Variants in CARMIL3 observed in about 807,000 individuals in gnomAD.
The protein encoded by CARMIL3 is capping protein regulator and myosin 1 linker 3.
Under a neutral mutation model 180.8 loss-of-function variants are expected in CARMIL3, and 88 were observed. The ratio of observed to expected loss-of-function variants is 0.49; its 90% CI spans 0.41 to 0.58. The LOEUF is 0.58. Ranked by LOEUF, CARMIL3 falls within the 20% of genes least tolerant of loss-of-function variation. The probability of loss-of-function intolerance (pLI) is 0.00; values close to 1 mark genes in which losing one functional copy is unlikely to be tolerated. For missense variants in CARMIL3, 1,548 were observed against 1,787.0 expected (o/e 0.87, Z 2.41); for synonymous variants, 696 against 714.5 (o/e 0.97, Z 0.41).
At position 24,059,499 on chromosome 14, in the gene CARMIL3, A is replaced by G. The variant is rs1035445285; in HGVS notation, c.1799+57A>G. 6.5e-7 allele frequency: 1 copy of G among 1,537,348 alleles called. No individual in the cohort carries two copies. Among genetic ancestry groups the G allele is most frequent in the Non-Finnish European group, 8.8e-7 (1 of 1,136,586 alleles). Reference sequence around the variant, plus strand: ...AGCCCCAGCCCCTCCCCATATGTACATAATCTCCCTGCTTTCCTTGATGCT... The same window carrying G: ...AGCCCCAGCCCCTCCCCATATGTACGTAATCTCCCTGCTTTCCTTGATGCT... On this transcript the variant is annotated intron_variant, in intron 21 of 39. Coordinates refer to ENST00000342740, the MANE Select transcript of CARMIL3 (RefSeq NM_138360.4). This position sits in a 1 kb window ranked among gnomAD's most constrained non-coding sequence, Gnocchi z 6.3.
chr14:24,061,139 C>A lies in CARMIL3; in HGVS notation c.2304+99C>A. ...TCAGAGCTGGGAGACTTCTGGAGGG[C>A]CAGGAGGACATGCAGAGTTGAGACC... On this transcript the variant is annotated intron_variant, in intron 26 of 39. Transcript: ENST00000342740. The surrounding 1 kb of genome is among the most constrained non-coding windows in gnomAD (Gnocchi z 4.1). 9.4e-7 allele frequency: 1 copy of A among 1,069,040 alleles called. No individual in the cohort carries two copies. The allele number at this position is 1,069,040 out of a possible 1,614,324, so 66.2% of individuals were successfully genotyped here. A position where few individuals can be genotyped will look rare whatever the true frequency, so the allele number is the denominator to read the frequency against.
chr14:24,069,045 T>C, intron 38 of CARMIL3, 79 bp downstream of exon 38: 2 of 1,586,962 alleles, frequency 1.3e-6, no homozygotes, highest in Non-Finnish European at 1.7e-6. Flanking sequence ...TTCCAGAGCA[T>C]GGAATGAGTG....
Position 24,059,535 on chromosome 14 carries a change from GCTT to G in CARMIL3, c.1799+95_1799+97del. 1 of 1,514,584 alleles carries G rather than the reference GCTT, an allele frequency of 6.6e-7. No homozygotes were observed. The highest frequency in any genetic ancestry group is 1.4e-5 in the African/African-American group (1 of 72,368). The allele number at this position is 1,514,584 out of a possible 1,614,324, so 93.8% of individuals were successfully genotyped here. On this transcript the variant is annotated intron_variant, in intron 21 of 39. Transcript: ENST00000342740. The surrounding 1 kb of genome is among the most constrained non-coding windows in gnomAD (Gnocchi z 6.3). ...GCTTTCCTTGATGCTCTGGACCCCA[GCTT>G]CCAGAAGACCCCCAGCCCCAGAACC...
Position 24,056,285 on chromosome 14 carries a change from C to T in CARMIL3, c.771-14C>T, listed in dbSNP as rs766284911. 24 of 1,609,602 alleles carry T rather than the reference C, an allele frequency of 1.5e-5. No homozygotes were observed. In the South Asian group the frequency reaches 2.5e-4, roughly 17 times the overall value. On this transcript the variant is annotated splice_polypyrimidine_tract_variant and intron_variant, in intron 10 of 39. Coordinates refer to ENST00000342740, the MANE Select transcript of CARMIL3 (RefSeq NM_138360.4). ...GCTCAGCTCAGGACAAATCCTTCCT[C>T]CCCTTCCCTGAAGGGACTTTGTCCA...
Position 24,057,200 on chromosome 14 carries a change from C to T in CARMIL3, c.1096C>T (p.Leu366=), listed in dbSNP as rs755882235. The T allele has an allele frequency of 1.1e-5, 17 of 1,614,020 alleles. No homozygotes were observed. The highest frequency in any genetic ancestry group is 1.3e-5 in the African/African-American group (1 of 74,924). ...LYSFLAQPNA[L]VHLDLSGTDC... ...CAGTTTCCTGGCCCAACCCAACGCC[C>T]TGGTGCACCTGGACCTGTCAGGAAC... Residue 366 remains leucine, a synonymous_variant, in exon 14 of 40, where the codon CTG becomes TTG. Transcript: ENST00000342740.
chr14:24,055,015 T>C, intron 6 of CARMIL3, 51 bp from the exon 7 acceptor site: 1 of 1,591,322 alleles, frequency 6.3e-7, no homozygotes, highest in Non-Finnish European at 8.6e-7. Context: ...ACCCCAAGCC[T>C]ATTCCCCATC....
chr14:24,052,297 C>T, intron 1 of CARMIL3, 104 bp downstream of exon 1: 1 of 1,146,324 alleles, frequency 8.7e-7, no homozygotes, highest in Non-Finnish European at 1.2e-6. Context: ...ACACCCCTCA[C>T]CCCATGCATC....
chr14:24,065,377 G>A, intron 33 of CARMIL3, 104 bp downstream of exon 33: 1 of 1,208,818 alleles, frequency 8.3e-7, no homozygotes, highest in Non-Finnish European at 1.1e-6. Context: ...AGGACCCAGG[G>A]TTCTTGGGAA....
chr14:24,068,515 A>T, intron 36 of CARMIL3, 69 bp from the exon 37 acceptor site: 6 of 1,393,724 alleles, frequency 4.3e-6, no homozygotes, highest in Middle Eastern at 2.0e-4. Context: ...TTCAGTGGAG[A>T]GAGGAGACAG....
At position 24,059,674 on chromosome 14, in the gene CARMIL3, T is replaced by C; in HGVS notation, c.1810T>C (p.Trp604Arg). The C allele has an allele frequency of 1.9e-6, 3 of 1,613,962 alleles. No homozygotes were observed. Among genetic ancestry groups the C allele is most frequent in the Non-Finnish European group, 2.5e-6 (3 of 1,179,968 alleles). ...QINSSLRTIL[W>R]DRNNTSALGF... is the part of the protein sequence containing the mutation. ...TTACCCTCCCCCCAGAACTATCCTATGGGATCGGAACAATACATCTGCCCT... is the reference window on the plus strand; with the variant it reads ...TTACCCTCCCCCCAGAACTATCCTACGGGATCGGAACAATACATCTGCCCT... Residue 604 changes from tryptophan to arginine, a missense_variant, in exon 22 of 40, where the codon TGG (tryptophan) becomes CGG (arginine). Trp to Arg is a moderately radical substitution (Grantham distance 101, BLOSUM62 -3). Transcript: ENST00000342740. The surrounding 1 kb of genome is among the most constrained non-coding windows in gnomAD (Gnocchi z 6.3).
rs778815143 is a variant in CARMIL3, at chr14:24,058,133, C to T, written c.1323-22C>T. On this transcript the variant is annotated intron_variant, in intron 16 of 39. Coordinates refer to ENST00000342740, the MANE Select transcript of CARMIL3 (RefSeq NM_138360.4). This position sits in a 1 kb window ranked among gnomAD's most constrained non-coding sequence, Gnocchi z 6.4. ...GGGAGCGGGAAGAGGTAAAGGAGGG[C>T]CTGCTGACCTCCCTCCCACAGGGCG... 5 of 1,613,780 alleles carry T rather than the reference C, an allele frequency of 3.1e-6. No homozygotes were observed. The highest frequency in any genetic ancestry group is 4.2e-6 in the Non-Finnish European group (5 of 1,179,962).
In CARMIL3 at chr14:24,066,594, C is replaced by T. The variant is rs770310767; in HGVS notation, c.3620C>T (p.Pro1207Leu). ...CCTGGATCCTGGAAGCCCCCACCAC[C>T]GCCCCAAAGCACCAAACCAAGCTTC... is the stretch of plus-strand genomic sequence containing the variant. ...AGPGSWKPPP[P>L]PQSTKPSFSA... Residue 1207 changes from proline to leucine, a missense_variant, in exon 36 of 40, where the codon CCG becomes CTG. Physicochemically the swap from Pro to Leu is moderately conservative, Grantham distance 98 (BLOSUM62 -3). Coordinates refer to ENST00000342740, the MANE Select transcript of CARMIL3 (RefSeq NM_138360.4). 15 of 1,614,242 alleles carry T rather than the reference C, an allele frequency of 9.3e-6. No individual in the cohort carries two copies. Among genetic ancestry groups the T allele is most frequent in the South Asian group, 2.2e-5 (2 of 91,088 alleles).
chr14:24,062,355 G>C (rs1467588336), intron 27 of CARMIL3, 125 bp from the exon 28 acceptor site: 2 of 862,596 alleles, frequency 2.3e-6, no homozygotes, highest in Non-Finnish European at 4.0e-6. Context: ...AGCCACATGC[G>C]CTCCATGGGC....
In CARMIL3 at chr14:24,055,791, T is replaced by C; in HGVS notation, c.770+2T>C. 6.2e-7 allele frequency: 1 copy of C among 1,613,930 alleles called. No homozygotes were observed. Among genetic ancestry groups the C allele is most frequent in the Non-Finnish European group, 8.5e-7 (1 of 1,179,850 alleles). On this transcript the variant is annotated splice_donor_variant, in intron 10 of 39. Coordinates refer to ENST00000342740, the MANE Select transcript of CARMIL3 (RefSeq NM_138360.4). LOFTEE classifies it high-confidence loss of function. ...GCTGGACAACGCCGGGCTTAAGACGTGAGGCCAGTCTCCTCCTTGGGCAGT... is the reference window on the plus strand; with the variant it reads ...GCTGGACAACGCCGGGCTTAAGACGCGAGGCCAGTCTCCTCCTTGGGCAGT...
Position 24,057,186 on chromosome 14 carries a change from C to T in CARMIL3, c.1082C>T (p.Ala361Val). 1 of 1,614,070 alleles carries T rather than the reference C, an allele frequency of 6.2e-7. No individual in the cohort carries two copies. The highest frequency in any genetic ancestry group is 8.5e-7 in the Non-Finnish European group (1 of 1,179,958). Reference protein sequence around the residue: ...DEANALYSFLAQPNALVHLDL... With the variant: ...DEANALYSFLVQPNALVHLDL... ...CTCCAGGCCCTCTACAGTTTCCTGG[C>T]CCAACCCAACGCCCTGGTGCACCTG... is the stretch of plus-strand genomic sequence containing the variant. Residue 361 changes from alanine (A) to valine (V), a missense_variant, in exon 14 of 40, where the codon GCC becomes GTC. Physicochemically the swap from Ala to Val is moderately conservative, Grantham distance 64 (BLOSUM62 0). This residue lies in a region of CARMIL3 where 578 missense variants were observed against 666.5 expected (regional missense o/e 0.87). Transcript: ENST00000342740.
chr14:24,060,538 G>T, intron 24 of CARMIL3, 90 bp from the exon 25 acceptor site: 1 of 1,539,216 alleles, frequency 6.5e-7, no homozygotes, highest in Non-Finnish European at 8.8e-7. Context: ...ACCACTGTCG[G>T]TGCCAGCACC....
At position 24,068,809 on chromosome 14, in the gene CARMIL3, A is replaced by G. The variant is rs776798749; in HGVS notation, c.3825A>G (p.Pro1275=). Residue 1275 remains proline, a synonymous_variant, in exon 38 of 40, where the codon CCA becomes CCG. Coordinates refer to ENST00000342740, the MANE Select transcript of CARMIL3 (RefSeq NM_138360.4). ...NAKLQDPALA[P]WPPKPVAVPR... is the part of the protein sequence containing the mutation. Reference sequence around the variant, plus strand: ...AGCTACAGGACCCCGCTCTAGCTCCATGGCCTCCCAAGCCAGTGGCTGTGC... The same window carrying G: ...AGCTACAGGACCCCGCTCTAGCTCCGTGGCCTCCCAAGCCAGTGGCTGTGC... 2 of 1,613,908 alleles carry G rather than the reference A, an allele frequency of 1.2e-6. No individual in the cohort carries two copies. Among genetic ancestry groups the G allele is most frequent in the Non-Finnish European group, 1.7e-6 (2 of 1,180,012 alleles).
chr14:24,068,523 C>A, intron 36 of CARMIL3, 61 bp from the exon 37 acceptor site: 1 of 1,449,068 alleles, frequency 6.9e-7, no homozygotes, highest in Non-Finnish European at 9.4e-7. Context: ...AGAGAGGAGA[C>A]AGGGACAGGA....
intron 32 of CARMIL3, among the ~76,000 whole-genome samples, chr14:24,064,653 C>CA (rs1555336287): frequency 2.0e-5 from 3 of 151,940 alleles, no homozygotes; most frequent in Admixed American, 6.6e-5. Context: ...GTGAGAGGCC[C>CA]GGGGGGTAGT....
Sources: gnomAD v4.1 joint callset for allele counts (sites outside exome capture counted in the v4.1 genomes callset) on GRCh38, gnomAD v4.1.1 for gene constraint, gnomAD v4.1.1 regional missense constraint, Gnocchi (gnomAD v3.1) non-coding constraint, MANE v1.5 for transcripts, NCBI Gene and HGNC (gene_info 2026-07-23, HGNC 2026-07-21) for gene names.